Variants in NT5M observed in about 807,000 individuals in gnomAD.
The protein encoded by NT5M is 5'(3')-deoxyribonucleotidase, mitochondrial.
NT5M carries 22 observed loss-of-function variants against 22.2 expected under a neutral mutation model. That is an observed-to-expected ratio of 0.99 (90% CI 0.71 to 1.41). The LOEUF is 1.41. Ranked by LOEUF, NT5M falls within the 40% of genes most tolerant of loss-of-function variation. The pLI is 0.00. For synonymous variants in NT5M, 167 were observed against 133.0 expected (o/e 1.26, Z -1.76); for missense variants, 322 against 314.8 (o/e 1.02, Z -0.17).
At chr17:17,341,671 G>T (rs1039489513) in intron 3 of NT5M, among the ~76,000 whole-genome samples, 2 of 152,208 alleles carry the variant, frequency 1.3e-5, no homozygotes, top group African/African-American at 4.8e-5. Context: ...AGTGCTCATG[G>T]CTGGGCTCCA....
intron 2 of NT5M, among the ~76,000 whole-genome samples, chr17:17,309,696 G>A (rs1471393012): frequency 1.3e-5 from 1 of 77,910 alleles, no homozygotes; most frequent in Non-Finnish European, 2.6e-5. Context: ...TTTTTTTTTT[G>A]AGACAGAGTT....
intron 2 of NT5M, among the ~76,000 whole-genome samples, chr17:17,320,070 G>T (rs902649094): frequency 9.9e-5 from 15 of 152,180 alleles, no homozygotes; most frequent in African/African-American, 3.6e-4. Flanking sequence ...TTGAACTCCT[G>T]ACCTCAGGTG....
intron 3 of NT5M, among the ~76,000 whole-genome samples, chr17:17,338,830 C>T (rs532669053): frequency 3.3e-5 from 5 of 150,782 alleles, no homozygotes; most frequent in East Asian, 2.0e-4. Context: ...AGGTTCACAC[C>T]GTTCTCCTGC....
rs187095609 is a variant in NT5M at position 17,330,781 on chromosome 17, C to T, written c.429+7536C>T. 9.9e-3 allele frequency among the ~76,000 whole-genome samples: 1,156 copies of T among 116,678 alleles called. 16 individuals are homozygous for T. The highest frequency in any genetic ancestry group is 0.034 in the African/African-American group (1,065 of 30,946). 76.5% of individuals were successfully genotyped at this position (116,678 alleles called of 152,430 possible). A position where few individuals can be genotyped will look rare whatever the true frequency, so the allele number is the denominator to read the frequency against. On this transcript the variant is annotated intron_variant, in intron 3 of 4. Coordinates refer to ENST00000389022, the MANE Select transcript of NT5M (RefSeq NM_020201.4). ...TTTTTGAGACGGAGTCTCACTTTGT[C>T]ACCCAGGCTGGAATGCAGTGGTGTG...
rs750042101 is a variant in NT5M at position 17,321,073 on chromosome 17, G to A, written c.369-2112G>A. Among the ~76,000 whole-genome samples, 150 of 152,234 alleles carry A rather than the reference G, an allele frequency of 9.9e-4. 2 individuals carry two copies. Among genetic ancestry groups the A allele is most frequent in the Non-Finnish European group, 1.9e-3 (129 of 68,010 alleles). ...TCGAAGGGAGCAGCTGGAATGTGGG[G>A]GTCAAGGCTGTGTGTGTATATATCT... is the stretch of plus-strand genomic sequence containing the variant. On this transcript the variant is annotated intron_variant, in intron 2 of 4. Transcript: ENST00000389022.
At chr17:17,320,474 A>AT (rs1298210041) in intron 2 of NT5M, among the ~76,000 whole-genome samples, 1 of 152,032 alleles carries the variant, frequency 6.6e-6, no homozygotes, top group Non-Finnish European at 1.5e-5. Flanking sequence ...AAAATAGGTG[A>AT]TTTTTAGGTG....
At chr17:17,338,395 G>A (rs577027987) in intron 3 of NT5M, among the ~76,000 whole-genome samples, 7 of 152,136 alleles carry the variant, frequency 4.6e-5, no homozygotes, top group South Asian at 2.1e-4. Context: ...GTTTCACCAC[G>A]TTAGCCAGGC....
intron 2 of NT5M, among the ~76,000 whole-genome samples, chr17:17,313,705 T>C (rs1276496525): frequency 6.6e-6 from 1 of 151,314 alleles, no homozygotes; most frequent in Admixed American, 6.6e-5. Context: ...CATTGGAACA[T>C]AGATCTCAAA....
chr17:17,313,231 A>C (rs1032236807), intron 2 of NT5M, among the ~76,000 whole-genome samples: 1 of 152,134 alleles, frequency 6.6e-6, no homozygotes, highest in African/African-American at 2.4e-5. Context: ...GTGAGCTGAG[A>C]TTGCGCCATT....
intron 3 of NT5M, among the ~76,000 whole-genome samples, chr17:17,326,954 C>G (rs2049280163): frequency 6.6e-6 from 1 of 152,146 alleles, no homozygotes; most frequent in Non-Finnish European, 1.5e-5. Context: ...CTATGTCACC[C>G]AGGCTGGAGT....
chr17:17,306,877 G>A (rs1027696571), intron 2 of NT5M, among the ~76,000 whole-genome samples: 2 of 152,232 alleles, frequency 1.3e-5, no homozygotes, highest in African/African-American at 4.8e-5. Flanking sequence ...AGTTTAATTT[G>A]ATCTGGTTCC....
At chr17:17,314,440 G>C (rs558762794) in intron 2 of NT5M, among the ~76,000 whole-genome samples, 2 of 152,162 alleles carry the variant, frequency 1.3e-5, no homozygotes, top group Non-Finnish European at 2.9e-5. Flanking sequence ...TCTTGCTCTA[G>C]TTAAGAATTT....
chr17:17,335,885 G>C (rs1444972253), intron 3 of NT5M, among the ~76,000 whole-genome samples: 2 of 151,932 alleles, frequency 1.3e-5, no homozygotes, highest in Admixed American at 6.6e-5. Flanking sequence ...ACCTGCCTTG[G>C]CCTCCCAAGG....
chr17:17,306,303 A>G (rs1204966984), intron 1 of NT5M, among the ~76,000 whole-genome samples: 1 of 152,144 alleles, frequency 6.6e-6, no homozygotes, highest in Non-Finnish European at 1.5e-5. Flanking sequence ...GTAGGAGTCC[A>G]TGGGCCTGAC....
intron 3 of NT5M, among the ~76,000 whole-genome samples, chr17:17,338,262 G>A (rs1056992430): frequency 1.3e-5 from 2 of 150,954 alleles, no homozygotes; most frequent in Non-Finnish European, 2.9e-5. Flanking sequence ...GCACCATCTC[G>A]GCTCACTGCA....
intron 2 of NT5M, among the ~76,000 whole-genome samples, chr17:17,309,424 A>C (rs914901692): frequency 2.0e-5 from 3 of 152,134 alleles, no homozygotes; most frequent in Non-Finnish European, 4.4e-5. Context: ...TCTTTTGAGA[A>C]TATACCTAGG....
At chr17:17,307,203 C>G (rs2048822520) in intron 2 of NT5M, among the ~76,000 whole-genome samples, 1 of 152,130 alleles carries the variant, frequency 6.6e-6, no homozygotes, top group Non-Finnish European at 1.5e-5. Context: ...CATCTCAAAG[C>G]TCATTTATTC....
intron 3 of NT5M, among the ~76,000 whole-genome samples, chr17:17,329,908 G>C (rs2145398270): frequency 6.6e-6 from 1 of 152,232 alleles, no homozygotes; most frequent in Non-Finnish European, 1.5e-5. Flanking sequence ...GGAGGTCAAG[G>C]CTGCAGTGAG....
intron 2 of NT5M, among the ~76,000 whole-genome samples, chr17:17,314,638 C>G (rs780563291): frequency 6.6e-6 from 1 of 152,192 alleles, no homozygotes; most frequent in Non-Finnish European, 1.5e-5. Context: ...CTTGGCCAGG[C>G]TGGGAAGGCT....
Sources: allele counts gnomAD v4.1 joint callset (sites outside exome capture counted in the v4.1 genomes callset), GRCh38; gene constraint gnomAD v4.1.1; transcripts MANE v1.5; gene names NCBI Gene and HGNC (gene_info 2026-07-23, HGNC 2026-07-21).